PTPN11: variants seen among roughly 807,000 people sequenced by gnomAD.
PTPN11 encodes the protein tyrosine-protein phosphatase non-receptor type 11.
A neutral mutation model predicts 78.8 loss-of-function variants in PTPN11; 6 were observed. That is an observed-to-expected ratio of 0.08 (90% CI 0.04 to 0.15). The LOEUF (loss-of-function observed/expected upper bound fraction) is 0.15, where lower values mean the gene tolerates loss of function less well. PTPN11 is among the 10% of genes least tolerant of loss of function. The pLI is 1.00. For synonymous variants in PTPN11, 221 were observed against 263.5 expected (o/e 0.84, Z 1.56); for missense variants, 386 against 744.8 (o/e 0.52, Z 5.61).
At chr12:112,464,162 G>T (rs141577334) in intron 6 of PTPN11, among the ~76,000 whole-genome samples, 4 of 152,282 alleles carry the variant, frequency 2.6e-5, no homozygotes, top group African/African-American at 9.6e-5. Flanking sequence ...ATTTAACTCT[G>T]ATTTGTCTCT....
chr12:112,485,540 G>A (rs1004596345), intron 10 of PTPN11, among the ~76,000 whole-genome samples: 9 of 152,142 alleles, frequency 5.9e-5, no homozygotes, highest in African/African-American at 2.2e-4. Context: ...ATTATTATTT[G>A]CATTTTGCAA....
intron 7 of PTPN11, among the ~76,000 whole-genome samples, chr12:112,476,729 A>G (rs956975367): frequency 6.6e-6 from 1 of 152,168 alleles, no homozygotes; most frequent in African/African-American, 2.4e-5. Flanking sequence ...AGATAGTGCT[A>G]TTGCACTCCA....
intron 9 of PTPN11, 150 bp from the exon 10 acceptor site, chr12:112,481,924 T>G: frequency 1.2e-6 from 1 of 816,070 alleles, no homozygotes; most frequent in Admixed American, 2.3e-5. Context: ...TGAACTCTTC[T>G]GTCCTTTTCT....
intron 11 of PTPN11, chr12:112,487,005 G>T (rs557183906): frequency 1.2e-5 from 11 of 920,028 alleles, no homozygotes; most frequent in Non-Finnish European, 1.4e-5. Flanking sequence ...GTGGGGGTGT[G>T]GTGGAAATAG....
intron 6 of PTPN11, among the ~76,000 whole-genome samples, chr12:112,467,756 A>G (rs890842999): frequency 1.3e-5 from 2 of 152,086 alleles, no homozygotes; most frequent in Admixed American, 6.6e-5. Flanking sequence ...CGGCCTCCCA[A>G]AGTGCTGGGA....
chr12:112,477,839 T>A lies in PTPN11; in HGVS notation c.934-18T>A. ...GTAACTTTAAGGTGTTTGAAGGATT[T>A]TCTTCCTAAATTTCTAGCCTGAATT... On this transcript the variant is annotated intron_variant, in intron 8 of 15. Transcript: ENST00000351677. 6.2e-7 allele frequency: 1 copy of A among 1,614,042 alleles called. No individual in the cohort carries two copies. The highest frequency in any genetic ancestry group is 2.2e-5 in the East Asian group (1 of 44,880).
chr12:112,496,825 G>A (rs1398283520), intron 13 of PTPN11, among the ~76,000 whole-genome samples: 5 of 152,188 alleles, frequency 3.3e-5, no homozygotes, highest in African/African-American at 1.2e-4. Flanking sequence ...CTACACTTCA[G>A]TATACAGAGA....
At chr12:112,488,960 G>A (rs1156267609) in intron 12 of PTPN11, 64 bp from the exon 13 acceptor site, 3 of 1,587,378 alleles carry the variant, frequency 1.9e-6, no homozygotes, top group African/African-American at 1.3e-5. Flanking sequence ...TAAAAGTTGT[G>A]CATTAAACAA....
intron 6 of PTPN11, among the ~76,000 whole-genome samples, 153 bp downstream of exon 6, chr12:112,456,216 G>A (rs1360521966): frequency 6.6e-6 from 1 of 152,304 alleles, no homozygotes; most frequent in East Asian, 1.9e-4. Context: ...AAGTTGCTGA[G>A]AGGGCTTCTT....
intron 6 of PTPN11, among the ~76,000 whole-genome samples, chr12:112,469,919 T>A (rs1322954552): frequency 6.6e-6 from 1 of 152,182 alleles, no homozygotes; most frequent in Non-Finnish European, 1.5e-5. Context: ...CCAAAGCATC[T>A]TGAAGGTGCT....
In PTPN11 at chr12:112,418,967, C is replaced by G. The variant is rs2037467648; in HGVS notation, c.-145C>G. 2.0e-6 allele frequency: 2 copies of G among 988,710 alleles called. No individual in the cohort carries two copies. The highest frequency in any genetic ancestry group is 2.1e-5 in the Admixed American group (1 of 47,950). The allele number at this position is 988,710 out of a possible 1,614,324, so 61.2% of individuals were successfully genotyped here. On this transcript the variant is annotated 5_prime_UTR_variant, in exon 1 of 16. Coordinates refer to ENST00000351677, the MANE Select transcript of PTPN11 (RefSeq NM_002834.5). ...TGCACAGTCTCCGGGATCCCCAGGC[C>G]TGGAGGGGGGTCTGTGCGCGGCCGG...
At chr12:112,486,995 G>A in intron 11 of PTPN11, 4 of 1,054,790 alleles carry the variant, frequency 3.8e-6, no homozygotes, top group Non-Finnish European at 4.9e-6. Context: ...TATTGAGGTG[G>A]TGGGGGTGTG....
intron 6 of PTPN11, among the ~76,000 whole-genome samples, chr12:112,471,070 A>G (rs949948717): frequency 6.6e-6 from 1 of 152,170 alleles, no homozygotes; most frequent in Non-Finnish European, 1.5e-5. Flanking sequence ...CAGCTAGTTA[A>G]ATGCTTTTGT....
intron 6 of PTPN11, among the ~76,000 whole-genome samples, chr12:112,458,085 C>G (rs892272959): frequency 6.6e-6 from 1 of 152,154 alleles, no homozygotes; most frequent in African/African-American, 2.4e-5. Flanking sequence ...AAATAAAGTC[C>G]TTTTAGCCAG....
rs1388434207 is a variant in PTPN11 at position 112,507,172 on chromosome 12, GT to G, written c.*1382del. 1 of 152,788 alleles carries G rather than the reference GT, an allele frequency of 6.5e-6. No individual in the cohort carries two copies. Among genetic ancestry groups the G allele is most frequent in the African/African-American group, 2.4e-5 (1 of 41,478 alleles). 9.5% of individuals were successfully genotyped at this position (152,788 alleles called of 1,614,324 possible). The stretch of plus-strand genomic sequence containing the variant: ...ACCAAGGATATTAGCAAAAGCAGAA[GT>G]TGCTAGTGACCTTGGGAAGCCGAAG... On this transcript the variant is annotated 3_prime_UTR_variant, in exon 16 of 16. Coordinates refer to ENST00000351677, the MANE Select transcript of PTPN11 (RefSeq NM_002834.5).
At chr12:112,458,372 G>A (rs986094704) in intron 6 of PTPN11, among the ~76,000 whole-genome samples, 8 of 152,052 alleles carry the variant, frequency 5.3e-5, no homozygotes, top group Non-Finnish European at 8.8e-5. Flanking sequence ...CACCATAGCC[G>A]GCTAATTTTT....
intron 13 of PTPN11, among the ~76,000 whole-genome samples, chr12:112,491,690 T>G (rs142744319): frequency 1.1e-3 from 173 of 152,280 alleles, no homozygotes; most frequent in African/African-American, 3.9e-3. Context: ...ACACAGTGCA[T>G]TTGGCTATAA....
chr12:112,492,628 C>T (rs2038760558), intron 13 of PTPN11, among the ~76,000 whole-genome samples: 1 of 151,946 alleles, frequency 6.6e-6, no homozygotes, highest in South Asian at 2.1e-4. Flanking sequence ...CGCCATTCTC[C>T]TGCCTCAGCC....
chr12:112,456,267 C>T (rs979059200), intron 6 of PTPN11, among the ~76,000 whole-genome samples: 2 of 152,082 alleles, frequency 1.3e-5, no homozygotes, highest in Admixed American at 1.3e-4. Context: ...AGGGAGTTGG[C>T]AGTGAGTAGT....
Sources: gnomAD v4.1 joint callset for allele counts (sites outside exome capture counted in the v4.1 genomes callset) on GRCh38, gnomAD v4.1.1 for gene constraint, MANE v1.5 for transcripts, NCBI Gene and HGNC (gene_info 2026-07-23, HGNC 2026-07-21) for gene names.